COMMD10: variants seen among roughly 807,000 people sequenced by gnomAD.
COMMD10 encodes COMM domain-containing protein 10.
A neutral mutation model predicts 28.9 loss-of-function variants in COMMD10; 33 were observed. The observed-to-expected ratio is 1.14, with a 90% CI of 0.87 to 1.53. COMMD10 has a LOEUF of 1.53. Ranked by LOEUF, COMMD10 falls within the 40% of genes most tolerant of loss-of-function variation. The pLI is 0.00. For synonymous variants in COMMD10, 110 were observed against 81.7 expected, an observed-to-expected ratio of 1.35 and a Z score of -1.87; for missense variants, 310 against 233.4, an observed-to-expected ratio of 1.33 and a Z score of -2.14.
chr5:116,148,039 T>G (rs1282693528), intron 5 of COMMD10, among the ~76,000 whole-genome samples: 1 of 151,846 alleles, frequency 6.6e-6, no homozygotes, highest in East Asian at 1.9e-4. Flanking sequence ...TTTCTTTTTT[T>G]GGTAAATATA....
chr5:116,210,150 C>G (rs1367804062), intron 5 of COMMD10, among the ~76,000 whole-genome samples: 1 of 152,136 alleles, frequency 6.6e-6, no homozygotes, highest in Non-Finnish European at 1.5e-5. Flanking sequence ...CAGTCTTAAT[C>G]CATTCACAAG....
chr5:116,196,462 C>G (rs1748524259), intron 5 of COMMD10, among the ~76,000 whole-genome samples: 1 of 151,580 alleles, frequency 6.6e-6, no homozygotes, highest in East Asian at 1.9e-4. Context: ...ACTCATGTAA[C>G]CGAATACCAC....
intron 5 of COMMD10, among the ~76,000 whole-genome samples, chr5:116,212,439 C>A (rs1299796194): frequency 2.0e-5 from 3 of 147,670 alleles, no homozygotes; most frequent in South Asian, 2.2e-4. Flanking sequence ...GCAGAGCAGG[C>A]CTGCAAGGGG....
intron 5 of COMMD10, among the ~76,000 whole-genome samples, chr5:116,169,342 G>C (rs1753241638): frequency 6.6e-6 from 1 of 152,102 alleles, no homozygotes; most frequent in South Asian, 2.1e-4. Context: ...TTCTGAAATT[G>C]AGTCAATAAT....
chr5:116,153,723 G>T (rs1341975102), intron 5 of COMMD10, among the ~76,000 whole-genome samples: 1 of 152,006 alleles, frequency 6.6e-6, no homozygotes, highest in Non-Finnish European at 1.5e-5. Flanking sequence ...TTTGCCACCT[G>T]TTTTAAGTGT....
intron 4 of COMMD10, among the ~76,000 whole-genome samples, chr5:116,126,130 A>G (rs7729275): frequency 0.82 from 124,764 of 151,632 alleles, 51,404 homozygotes; most frequent in African/African-American, 0.85. Flanking sequence ...CCTATACGCC[A>G]ATAACAAACA....
At chr5:116,156,214 A>T (rs988664667) in intron 5 of COMMD10, among the ~76,000 whole-genome samples, 1 of 152,112 alleles carries the variant, frequency 6.6e-6, no homozygotes, top group Admixed American at 6.6e-5. Flanking sequence ...AAGGTGAAGG[A>T]CCAGTGGTGG....
At chr5:116,241,707 G>A (rs1384561515) in intron 5 of COMMD10, among the ~76,000 whole-genome samples, 1 of 151,978 alleles carries the variant, frequency 6.6e-6, no homozygotes, top group African/African-American at 2.4e-5. Context: ...CCGCCTCCCG[G>A]GTTCTCGCCA....
intron 5 of COMMD10, among the ~76,000 whole-genome samples, chr5:116,144,520 G>A (rs1046449715): frequency 6.6e-6 from 1 of 151,854 alleles, no homozygotes; most frequent in African/African-American, 2.4e-5. Context: ...CATAGTCTGA[G>A]CTTATAATCA....
chr5:116,156,363 G>A (rs965074090), intron 5 of COMMD10, among the ~76,000 whole-genome samples: 65 of 152,190 alleles, frequency 4.3e-4, no homozygotes, highest in African/African-American at 1.6e-3. Context: ...AATAGTAGGT[G>A]CCTCACAAGG....
chr5:116,179,096 G>A (rs1015982194), intron 5 of COMMD10, among the ~76,000 whole-genome samples: 1 of 152,018 alleles, frequency 6.6e-6, no homozygotes, highest in East Asian at 1.9e-4. Context: ...GAACCATTAT[G>A]TTATCAAACA....
chr5:116,214,916 A>G (rs767664497), intron 5 of COMMD10, among the ~76,000 whole-genome samples: 3 of 152,242 alleles, frequency 2.0e-5, no homozygotes, highest in East Asian at 1.9e-4. Context: ...CAGATTTTCT[A>G]TACTTTCATT....
chr5:116,097,688 C>T (rs1425189472), intron 4 of COMMD10, among the ~76,000 whole-genome samples: 1 of 152,064 alleles, frequency 6.6e-6, no homozygotes, highest in Non-Finnish European at 1.5e-5. Flanking sequence ...GTTCTGCAGG[C>T]TGTACGGGAA....
intron 4 of COMMD10, among the ~76,000 whole-genome samples, chr5:116,114,665 A>G (rs1027440096): frequency 6.6e-6 from 1 of 152,124 alleles, no homozygotes; most frequent in African/African-American, 2.4e-5. Flanking sequence ...AGGGGTGACA[A>G]CACCTTTGCT....
At chr5:116,243,777 A>T (rs554207891) in intron 5 of COMMD10, among the ~76,000 whole-genome samples, 2 of 152,282 alleles carry the variant, frequency 1.3e-5, no homozygotes, top group Admixed American at 6.5e-5. Flanking sequence ...TCTGAGAGGC[A>T]CTAAAAGCTG....
chr5:116,181,654 T>A (rs1012389755), intron 5 of COMMD10, among the ~76,000 whole-genome samples: 1 of 151,928 alleles, frequency 6.6e-6, no homozygotes, highest in African/African-American at 2.4e-5. Flanking sequence ...ATGCTTCTGG[T>A]CCAAGGACCA....
chr5:116,207,345 A>T (rs1024513471), intron 5 of COMMD10, among the ~76,000 whole-genome samples: 2 of 152,186 alleles, frequency 1.3e-5, no homozygotes, highest in African/African-American at 2.4e-5. Context: ...CACTGAAATG[A>T]ATAATTCCCT....
chr5:116,174,427 C>G (rs116281728), intron 5 of COMMD10, among the ~76,000 whole-genome samples: 1,981 of 152,182 alleles, frequency 0.013, 26 homozygotes, highest in Non-Finnish European at 0.022. Context: ...GGATGTTGAG[C>G]AGAAACATAC....
chr5:116,263,875 T>A, intron 5 of COMMD10, among the ~76,000 whole-genome samples: 1 of 151,752 alleles, frequency 6.6e-6, no homozygotes, highest in East Asian at 1.9e-4. Context: ...CCCGACCACC[T>A]TGGGCACATG....
Sources: gnomAD v4.1 joint callset for allele counts (sites outside exome capture counted in the v4.1 genomes callset) on GRCh38, gnomAD v4.1.1 for gene constraint, MANE v1.5 for transcripts, NCBI Gene and HGNC (gene_info 2026-07-23, HGNC 2026-07-21) for gene names.